DMD: variants seen among roughly 807,000 people sequenced by gnomAD.
The protein encoded by DMD is dystrophin, also known as mutant dystrophin.
DMD carries 63 observed loss-of-function variants against 330.1 expected under a neutral mutation model. The observed-to-expected ratio is 0.19, with a 90% CI of 0.16 to 0.24. DMD has a LOEUF of 0.24. Ranked by LOEUF, DMD falls within the 10% of genes least tolerant of loss-of-function variation. The probability of loss-of-function intolerance (pLI) is 1.00; values close to 1 mark genes in which losing one functional copy is unlikely to be tolerated. For missense variants in DMD, 3,344 were observed against 2,684.1 expected, an observed-to-expected ratio of 1.25 and a Z score of -5.43; for synonymous variants, 1,223 against 959.8, an observed-to-expected ratio of 1.27 and a Z score of -5.07.
chrX:32,643,921 A>G (rs1405199285), intron 11 of DMD, among the ~76,000 whole-genome samples: 4 of 111,998 alleles, frequency 3.6e-5, no homozygotes, highest in Non-Finnish European at 7.5e-5. Context: ...TCTGTAGATA[A>G]CAGTGCATCT....
chrX:32,614,447 A>C lies in DMD; in HGVS notation c.1338T>G (p.His446Gln). 1 of 1,204,795 alleles carries C rather than the reference A, an allele frequency of 8.3e-7. No individual in the cohort carries two copies. Among genetic ancestry groups the C allele is most frequent in the Non-Finnish European group, 1.1e-6 (1 of 890,713 alleles). ...VASMEKQSNL[H>Q]RVLMDLQNQK... is the part of the protein sequence containing the mutation. ...GATTCTGGAGATCCATTAAAACTCT[A>C]TGTAAACTGAAAATTTGAAAGAAGC... The change falls in exon 12 of 79, where the codon CAT (histidine) becomes CAG (glutamine). Residue 446 changes from histidine (H) to glutamine (Q), a missense_variant. Transcript: ENST00000357033.
intron 2 of DMD, among the ~76,000 whole-genome samples, chrX:32,882,061 GT>G (rs1424235019): frequency 1.8e-5 from 2 of 112,045 alleles, no homozygotes; most frequent in African/African-American, 6.5e-5. Flanking sequence ...CTTGTGTTTT[GT>G]TTTTCAAAAG....
At chrX:31,162,356 T>TAAAAAAAAAAAAAA (rs57908991) in intron 74 of DMD, among the ~76,000 whole-genome samples, 2 of 50,619 alleles carry the variant, frequency 4.0e-5, no homozygotes, top group African/African-American at 6.6e-5. Flanking sequence ...ATGAAAAATC[T>TAAAAAAAAAAAAAA]AAAAAAAAAA....
intron 77 of DMD, among the ~76,000 whole-genome samples, chrX:31,131,399 CTG>C (rs2034472847): frequency 9.0e-6 from 1 of 111,660 alleles, no homozygotes; most frequent in South Asian, 3.8e-4. Context: ...GCATATGACA[CTG>C]TAAATGTGTG....
chrX:31,415,652 T>C (rs2061836870), intron 60 of DMD, among the ~76,000 whole-genome samples: 1 of 112,298 alleles, frequency 8.9e-6, no homozygotes. Flanking sequence ...CTGTGATTCA[T>C]GAAAAGTCAA....
intron 26 of DMD, among the ~76,000 whole-genome samples, 186 bp downstream of exon 26, chrX:32,454,476 A>C (rs1434874387): frequency 9.0e-6 from 1 of 110,936 alleles, no homozygotes; most frequent in Non-Finnish European, 1.9e-5. Flanking sequence ...CATTAAAATT[A>C]AACAGTTTAA....
chrX:31,663,342 G>C (rs1032391936), intron 53 of DMD, among the ~76,000 whole-genome samples: 14 of 110,861 alleles, frequency 1.3e-4, no homozygotes, highest in Admixed American at 5.8e-4. Flanking sequence ...ATAGTTTCCT[G>C]AAGTTGCTAA....
chrX:32,054,088 TGAGAGAGAGAGAGA>T (rs751524877), intron 44 of DMD, among the ~76,000 whole-genome samples: 6,398 of 69,496 alleles, frequency 0.092, 265 homozygotes, highest in African/African-American at 0.19. Context: ...TGTGTGTGTG[TGAGAGAGAGAGAGA>T]GAGAGAGAGA....
intron 59 of DMD, among the ~76,000 whole-genome samples, chrX:31,456,676 G>A (rs2066182089): frequency 9.0e-6 from 1 of 111,032 alleles, no homozygotes; most frequent in Admixed American, 9.6e-5. Flanking sequence ...GGTGTTTTCT[G>A]GGATCAAGAT....
intron 62 of DMD, among the ~76,000 whole-genome samples, chrX:31,286,851 G>A (rs757857539): frequency 2.2e-4 from 25 of 112,079 alleles, no homozygotes; most frequent in African/African-American, 8.1e-4. Flanking sequence ...TGCAACCTCC[G>A]CCTCCCATGT....
chrX:32,522,887 CCT>C, intron 17 of DMD, among the ~76,000 whole-genome samples: 1 of 111,748 alleles, frequency 8.9e-6, no homozygotes, highest in Middle Eastern at 4.7e-3. Context: ...CATCAAATAC[CCT>C]CTGACTCATA....
In DMD at chrX:31,849,660, G is replaced by A. The variant is rs149907213; in HGVS notation, c.7099-12841C>T. Among the ~76,000 whole-genome samples the A allele has an allele frequency of 1.7e-4, 19 of 110,462 alleles. No homozygotes were observed. The East Asian group carries it at 5.4e-3, about 32-fold the overall frequency. On this transcript the variant is annotated intron_variant, in intron 48 of 78. Transcript: ENST00000357033. ...GAACTGTAGTGGAGAAGCTACAAGA[G>A]TTTTAAATAAGGGAATGGCACTTAT...
At chrX:32,667,693 T>G (rs917162019) in intron 9 of DMD, among the ~76,000 whole-genome samples, 1 of 111,120 alleles carries the variant, frequency 9.0e-6, no homozygotes, top group Non-Finnish European at 1.9e-5. Flanking sequence ...TATTTGTCTT[T>G]TCTACATTTT....
chrX:33,172,032 T>A (rs1310407385), intron 1 of DMD, among the ~76,000 whole-genome samples: 1 of 111,011 alleles, frequency 9.0e-6, no homozygotes, highest in African/African-American at 3.3e-5. Context: ...AATATATTAT[T>A]ATAAATGTGA....
intron 48 of DMD, among the ~76,000 whole-genome samples, chrX:31,848,659 T>A (rs1490107334): frequency 9.0e-6 from 1 of 111,338 alleles, no homozygotes; most frequent in African/African-American, 3.3e-5. Context: ...ATGTCAGGTA[T>A]AATTTTAAGA....
chrX:31,297,424 A>C (rs747648393), intron 62 of DMD, among the ~76,000 whole-genome samples: 2 of 111,557 alleles, frequency 1.8e-5, no homozygotes, highest in African/African-American at 6.5e-5. Context: ...ATAGATTTTT[A>C]TAAGGGAAAA....
chrX:32,734,998 T>C (rs1299406151), intron 7 of DMD, among the ~76,000 whole-genome samples: 3 of 110,918 alleles, frequency 2.7e-5, no homozygotes, highest in South Asian at 3.8e-4. Context: ...GATGACATGA[T>C]TGTATATCTA....
intron 2 of DMD, among the ~76,000 whole-genome samples, chrX:32,993,725 G>T (rs1256331956): frequency 3.6e-5 from 4 of 110,674 alleles, no homozygotes; most frequent in African/African-American, 1.3e-4. Context: ...TGTGTGTTTT[G>T]GGGGGTACTG....
At chrX:33,026,373 G>T (rs1271964889) in intron 1 of DMD, among the ~76,000 whole-genome samples, 1 of 91,577 alleles carries the variant, frequency 1.1e-5, no homozygotes, top group Non-Finnish European at 2.2e-5. Flanking sequence ...AAAGAACTAT[G>T]AAGTAATATG....
Sources: allele counts gnomAD v4.1 joint callset (sites outside exome capture counted in the v4.1 genomes callset), GRCh38; gene constraint gnomAD v4.1.1; transcripts MANE v1.5; gene names NCBI Gene and HGNC (gene_info 2026-07-23, HGNC 2026-07-21).